AGAP1: variants seen among roughly 807,000 people sequenced by gnomAD.
The protein encoded by AGAP1 is ArfGAP with GTPase domain, ankyrin repeat and PH domain 1.
AGAP1 carries 29 observed loss-of-function variants against 105.3 expected under a neutral mutation model. The ratio of observed to expected loss-of-function variants is 0.28; its 90% confidence interval spans 0.21 to 0.38. The LOEUF is 0.38. Ranked by LOEUF, AGAP1 falls within the 10% of genes least tolerant of loss-of-function variation. AGAP1 has a pLI of 1.00. For missense variants in AGAP1, 998 were observed against 1,165.1 expected, an observed-to-expected ratio of 0.86 and a Z score of 2.09; for synonymous variants, 509 against 485.9, an observed-to-expected ratio of 1.05 and a Z score of -0.63.
intron 13 of AGAP1, among the ~76,000 whole-genome samples, chr2:236,033,604 C>T (rs939327770): frequency 1.3e-5 from 2 of 152,192 alleles, no homozygotes; most frequent in Non-Finnish European, 2.9e-5. Context: ...AGTCATCTGC[C>T]TGAGTGTGTG....
rs541141570 is a variant in AGAP1, at chr2:235,901,899, T to C, written c.1156-6839T>C. 7.0e-4 allele frequency among the ~76,000 whole-genome samples: 105 copies of C among 150,556 alleles called. 3 individuals carry two copies. The South Asian group carries it at 0.021, about 31-fold the overall frequency. ...GTCTCGGAAAAAAAAAAAAAAATTA[T>C]GGAGGGACCCCAAAGAGCTTTTGTT... On this transcript the variant is annotated intron_variant, in intron 10 of 17. Coordinates refer to ENST00000304032, the MANE Select transcript of AGAP1 (RefSeq NM_001037131.3). This position sits in a 1 kb window ranked among gnomAD's most constrained non-coding sequence, Gnocchi z 4.3.
At position 235,934,892 on chromosome 2, in the gene AGAP1, G is replaced by GC. The variant is rs534363075; in HGVS notation, c.1483+3975dup. ...CAACATTGGGATTCACTGTTTCTCC[G>GC]CCCCCCGTCCACCCTAAATTAAGAC... On this transcript the variant is annotated intron_variant, in intron 12 of 17. Coordinates refer to ENST00000304032, the MANE Select transcript of AGAP1 (RefSeq NM_001037131.3). The surrounding 1 kb of genome is among the most constrained non-coding windows in gnomAD (Gnocchi z 4.9). Among the ~76,000 whole-genome samples, 7 of 151,862 alleles carry GC rather than the reference G, an allele frequency of 4.6e-5. No individual in the cohort carries two copies. The highest frequency in any genetic ancestry group is 1.5e-4 in the African/African-American group (6 of 41,328).
rs1459679259 is a variant in AGAP1 at position 235,831,177 on chromosome 2, T to C, written c.1050+23846T>C. Among the ~76,000 whole-genome samples the C allele has an allele frequency of 3.1e-5, 4 of 129,250 alleles. No individual in the cohort carries two copies. In the Admixed American group the frequency reaches 3.7e-4, roughly 12 times the overall value. 84.8% of individuals were successfully genotyped at this position (129,250 alleles called of 152,430 possible). On this transcript the variant is annotated intron_variant, in intron 9 of 17. Transcript: ENST00000304032. ...AGATTGGTCCAGAGTGCTTCACTCT[T>C]CTTCTTTAAAAAAAAAAAAAAAAAA... is the stretch of plus-strand genomic sequence containing the variant.
chr2:236,094,147 T>C (rs1225436416), intron 16 of AGAP1, among the ~76,000 whole-genome samples: 1 of 152,094 alleles, frequency 6.6e-6, no homozygotes, highest in Admixed American at 6.6e-5. Context: ...TTCAGTCTTT[T>C]GACAAGACTG....
intron 9 of AGAP1, among the ~76,000 whole-genome samples, chr2:235,815,473 G>A (rs1477522224): frequency 5.3e-5 from 8 of 152,164 alleles, no homozygotes; most frequent in African/African-American, 1.7e-4. Context: ...CCCACTGCGG[G>A]TGAGGGCTTC....
At chr2:235,693,595 C>T (rs1054585087) in intron 1 of AGAP1, among the ~76,000 whole-genome samples, 11 of 152,158 alleles carry the variant, frequency 7.2e-5, no homozygotes, top group Admixed American at 3.3e-4. Flanking sequence ...TGGTGGCTCA[C>T]GGCTGTAGTC....
Position 235,566,248 on chromosome 2 carries a change from C to T in AGAP1, c.163+71399C>T, listed in dbSNP as rs533638896. On this transcript the variant is annotated intron_variant, in intron 1 of 17. Coordinates refer to ENST00000304032, the MANE Select transcript of AGAP1 (RefSeq NM_001037131.3). This position sits in a 1 kb window ranked among gnomAD's most constrained non-coding sequence, Gnocchi z 5.2. ...CTGGGATTACAGGCATGCGCCACCA[C>T]GCCTGGCTAATTTTGTATTTTTAGT... Among the ~76,000 whole-genome samples the T allele has an allele frequency of 3.9e-5, 6 of 152,266 alleles. No homozygotes were observed. The highest frequency in any genetic ancestry group is 2.1e-4 in the South Asian group (1 of 4,818).
chr2:235,644,405 T>G (rs991663372), intron 1 of AGAP1, among the ~76,000 whole-genome samples: 1 of 152,162 alleles, frequency 6.6e-6, no homozygotes, highest in Non-Finnish European at 1.5e-5. Flanking sequence ...GTTTAGCCCT[T>G]GGACCTGCTG....
intron 12 of AGAP1, among the ~76,000 whole-genome samples, chr2:235,937,003 TG>T (rs1451735030): frequency 6.6e-6 from 1 of 152,226 alleles, no homozygotes; most frequent in African/African-American, 2.4e-5. Context: ...GTTTGTCTTT[TG>T]ATAGCGCTTG....
chr2:235,962,270 T>C lies in AGAP1; in HGVS notation c.1484-6192T>C. Reference sequence around the variant, plus strand: ...ACTGACCACACAGAGGAGGCCGGTGTGCATGGCACCACCCTCTCCCAGCCC... The same window carrying C: ...ACTGACCACACAGAGGAGGCCGGTGCGCATGGCACCACCCTCTCCCAGCCC... On this transcript the variant is annotated intron_variant, in intron 12 of 17. Coordinates refer to ENST00000304032, the MANE Select transcript of AGAP1 (RefSeq NM_001037131.3). This position sits in a 1 kb window ranked among gnomAD's most constrained non-coding sequence, Gnocchi z 5.3. 6.6e-6 allele frequency among the ~76,000 whole-genome samples: 1 copy of C among 151,970 alleles called. No homozygotes were observed. The highest frequency in any genetic ancestry group is 1.9e-4 in the East Asian group (1 of 5,138).
rs1430889443 is a variant in AGAP1, at chr2:235,614,687, G to A, written c.164-94492G>A. Among the ~76,000 whole-genome samples, 1 of 152,184 alleles carries A rather than the reference G, an allele frequency of 6.6e-6. No individual in the cohort carries two copies. The highest frequency in any genetic ancestry group is 1.5e-5 in the Non-Finnish European group (1 of 68,034). ...TTGGGGTGTGCCAGGCTCAGGGGCAGGGCCCTTTTTCCACACGCTTAGGGA... is the reference window on the plus strand; with the variant it reads ...TTGGGGTGTGCCAGGCTCAGGGGCAAGGCCCTTTTTCCACACGCTTAGGGA... On this transcript the variant is annotated intron_variant, in intron 1 of 17. Coordinates refer to ENST00000304032, the MANE Select transcript of AGAP1 (RefSeq NM_001037131.3). This position sits in a 1 kb window ranked among gnomAD's most constrained non-coding sequence, Gnocchi z 4.7.
intron 16 of AGAP1, among the ~76,000 whole-genome samples, chr2:236,102,285 CG>C (rs2059372294): frequency 6.6e-6 from 1 of 150,420 alleles, no homozygotes. Context: ...GGCGTGGTGG[CG>C]GGTGCCTGTG....
chr2:235,724,975 C>T lies in AGAP1; in HGVS notation c.310+7331C>T, dbSNP rs551765965. ...GGAGGTTCTGTAGGAAGGAATGAGCCGCTTCACCTCCTGGAGAAAGGACGT... is the reference window on the plus strand; with the variant it reads ...GGAGGTTCTGTAGGAAGGAATGAGCTGCTTCACCTCCTGGAGAAAGGACGT... On this transcript the variant is annotated intron_variant, in intron 3 of 17. Transcript: ENST00000304032. This position sits in a 1 kb window ranked among gnomAD's most constrained non-coding sequence, Gnocchi z 4.9. 3.9e-5 allele frequency among the ~76,000 whole-genome samples: 6 copies of T among 152,298 alleles called. No individual in the cohort carries two copies. Among genetic ancestry groups the T allele is most frequent in the African/African-American group, 1.2e-4 (5 of 41,562 alleles).
chr2:235,671,588 T>A (rs888027098), intron 1 of AGAP1, among the ~76,000 whole-genome samples: 3 of 152,362 alleles, frequency 2.0e-5, no homozygotes, highest in Middle Eastern at 3.4e-3. Flanking sequence ...TTGAGCTGGC[T>A]GTAAGGACAC....
chr2:235,805,444 A>C (rs956600780), intron 8 of AGAP1, among the ~76,000 whole-genome samples: 2 of 152,132 alleles, frequency 1.3e-5, no homozygotes, highest in Non-Finnish European at 2.9e-5. Context: ...TTGTTTTGTT[A>C]ATTATTCTGG....
At position 235,720,016 on chromosome 2, in the gene AGAP1, A is replaced by G. The variant is rs556393499; in HGVS notation, c.310+2372A>G. On this transcript the variant is annotated intron_variant, in intron 3 of 17. Coordinates refer to ENST00000304032, the MANE Select transcript of AGAP1 (RefSeq NM_001037131.3). The surrounding 1 kb of genome is among the most constrained non-coding windows in gnomAD (Gnocchi z 5.0). The stretch of plus-strand genomic sequence containing the variant: ...TGTCTTTGCCCCTCTTAATGAGACC[A>G]GGGAATGGACTTCTACTTCCTGTTC... Among the ~76,000 whole-genome samples, 3 of 152,328 alleles carry G rather than the reference A, an allele frequency of 2.0e-5. No individual in the cohort carries two copies. Among genetic ancestry groups the G allele is most frequent in the Non-Finnish European group, 2.9e-5 (2 of 68,024 alleles).
intron 13 of AGAP1, among the ~76,000 whole-genome samples, chr2:236,030,912 G>A (rs2057203319): frequency 6.6e-6 from 1 of 152,192 alleles, no homozygotes; most frequent in Non-Finnish European, 1.5e-5. Flanking sequence ...AAGCAGGGCT[G>A]TGACTGATGA....
chr2:236,046,400 G>A lies in AGAP1; in HGVS notation c.1892-2659G>A, dbSNP rs950370065. Among the ~76,000 whole-genome samples, 6 of 152,194 alleles carry A rather than the reference G, an allele frequency of 3.9e-5. No homozygotes were observed. Among genetic ancestry groups the A allele is most frequent in the Non-Finnish European group, 5.9e-5 (4 of 68,030 alleles). The stretch of plus-strand genomic sequence containing the variant: ...CAGGAGCCCCTTGCACCCCAGTTGC[G>A]ATGCTGGTGAGGACGCCCATGGGAG... On this transcript the variant is annotated intron_variant, in intron 15 of 17. Coordinates refer to ENST00000304032, the MANE Select transcript of AGAP1 (RefSeq NM_001037131.3). The surrounding 1 kb of genome is among the most constrained non-coding windows in gnomAD (Gnocchi z 5.2).
At position 236,088,274 on chromosome 2, in the gene AGAP1, G is replaced by A. The variant is rs2125860164; in HGVS notation, c.2115-31918G>A. On this transcript the variant is annotated intron_variant, in intron 16 of 17. Transcript: ENST00000304032. ...TCATTTTGGAATTGGCAAAAGGCAA[G>A]TTTTCTCCTACAATGCTTTGAAAGG... Among the ~76,000 whole-genome samples, 2 of 152,344 alleles carry A rather than the reference G, an allele frequency of 1.3e-5. 1 individual carries two copies. Among genetic ancestry groups the A allele is most frequent in the South Asian group, 4.1e-4 (2 of 4,830 alleles).
Sources: gnomAD v4.1 joint callset for allele counts (sites outside exome capture counted in the v4.1 genomes callset) on GRCh38, gnomAD v4.1.1 for gene constraint, Gnocchi (gnomAD v3.1) non-coding constraint, MANE v1.5 for transcripts, NCBI Gene and HGNC (gene_info 2026-07-23, HGNC 2026-07-21) for gene names.